Variants in ADD3 observed in about 807,000 individuals in gnomAD.
ADD3 encodes the protein adducin 3.
A neutral mutation model predicts 80.2 loss-of-function variants in ADD3; 25 were observed. The observed-to-expected ratio is 0.31, with a 90% CI of 0.23 to 0.44. The LOEUF (loss-of-function observed/expected upper bound fraction) is 0.44, where lower values mean the gene tolerates loss of function less well. Ranked by LOEUF, ADD3 falls within the 20% of genes least tolerant of loss-of-function variation. ADD3 has a pLI of 1.00. For synonymous variants in ADD3, 284 were observed against 289.6 expected, an observed-to-expected ratio of 0.98 and a Z score of 0.20; for missense variants, 829 against 847.5, an observed-to-expected ratio of 0.98 and a Z score of 0.27.
chr10:110,005,085 T>C (rs1851575998), upstream of ADD3, among the ~76,000 whole-genome samples: 1 of 152,124 alleles, frequency 6.6e-6, no homozygotes, highest in South Asian at 2.1e-4. Context: ...TTTTTTGAGA[T>C]GGAGTCTTGC....
rs1297076832 is a variant in ADD3, at chr10:110,116,389, C to T, written c.465C>T (p.His155=). 1 of 1,614,072 alleles carries T rather than the reference C, an allele frequency of 6.2e-7. No individual in the cohort carries two copies. The highest frequency in any genetic ancestry group is 8.5e-7 in the Non-Finnish European group (1 of 1,179,978). ...YRLVDLFGWA[H]LANTYISVRI... is the part of the protein sequence containing the mutation. ...TTGTAGACTTGTTTGGATGGGCACA[C>T]CTGGCAAATACCTATATCTCAGTGA... Residue 155 remains histidine, a synonymous_variant, in exon 4 of 15, where the codon CAC becomes CAT. Transcript: ENST00000356080.
rs904198679 is a variant in ADD3 at position 110,134,891 on chromosome 10, T to C, written c.*1273T>C. ...CCACCAGTAAGAAAACTACCACTTCTTGATTTTTACAGATTTAAAAAAATC... is the reference window on the plus strand; with the variant it reads ...CCACCAGTAAGAAAACTACCACTTCCTGATTTTTACAGATTTAAAAAAATC... On this transcript the variant is annotated 3_prime_UTR_variant, in exon 15 of 15. Coordinates refer to ENST00000356080, the MANE Select transcript of ADD3 (RefSeq NM_016824.5). The C allele has an allele frequency of 3.3e-5, 5 of 152,652 alleles. No individual in the cohort carries two copies. The highest frequency in any genetic ancestry group is 2.6e-4 in the Admixed American group (4 of 15,280). 9.5% of individuals were successfully genotyped at this position (152,652 alleles called of 1,614,324 possible).
At chr10:110,063,740 TATATATA>T (rs1564913803) in intron 1 of ADD3, among the ~76,000 whole-genome samples, 278 of 21,960 alleles carry the variant, frequency 0.013, 6 homozygotes, top group African/African-American at 0.042. Flanking sequence ...ATATTCATTA[TATATATA>T]TATATATATA....
intron 1 of ADD3, among the ~76,000 whole-genome samples, chr10:110,085,895 C>T (rs1221558518): frequency 6.6e-6 from 1 of 151,378 alleles, no homozygotes; most frequent in Non-Finnish European, 1.5e-5. Flanking sequence ...CACCTGAGGT[C>T]GGGAGTTCGA....
At chr10:110,100,878 C>T in intron 2 of ADD3, 30 bp downstream of exon 2, 1 of 1,531,890 alleles carries the variant, frequency 6.5e-7, no homozygotes, top group Non-Finnish European at 8.8e-7. Context: ...TGTAATTTTT[C>T]TCCCTCTTTG....
At chr10:110,109,495 G>A (rs141493747) in intron 2 of ADD3, among the ~76,000 whole-genome samples, 5 of 152,238 alleles carry the variant, frequency 3.3e-5, no homozygotes, top group African/African-American at 9.6e-5. Flanking sequence ...GGAAGAACAT[G>A]GGTGCAAGAC....
intron 1 of ADD3, among the ~76,000 whole-genome samples, chr10:110,035,753 G>A (rs1045978469): frequency 6.7e-6 from 1 of 149,958 alleles, no homozygotes; most frequent in African/African-American, 2.5e-5. Flanking sequence ...ATTCTCACAC[G>A]TTACCAGGTG....
intron 1 of ADD3, among the ~76,000 whole-genome samples, chr10:110,068,708 T>C (rs1000084610): frequency 1.3e-5 from 2 of 152,184 alleles, no homozygotes; most frequent in African/African-American, 2.4e-5. Flanking sequence ...TGTCAAAGTT[T>C]AGATGTTGTA....
At chr10:110,036,312 G>A (rs1029897728) in intron 1 of ADD3, among the ~76,000 whole-genome samples, 3 of 148,710 alleles carry the variant, frequency 2.0e-5, no homozygotes, top group Admixed American at 6.7e-5. Context: ...TTTTGGAATT[G>A]TTCATACCTT....
intron 12 of ADD3, 128 bp downstream of exon 12, chr10:110,126,631 T>C: frequency 1.5e-6 from 1 of 681,630 alleles, no homozygotes; most frequent in Non-Finnish European, 2.4e-6. Flanking sequence ...CTCACAAGAT[T>C]TAAAATGTCA....
chr10:110,105,822 T>G (rs1230210108), intron 2 of ADD3, among the ~76,000 whole-genome samples: 1 of 152,216 alleles, frequency 6.6e-6, no homozygotes, highest in Non-Finnish European at 1.5e-5. Flanking sequence ...ATCACCATGA[T>G]CTGTGGTCAG....
chr10:110,007,616 G>A (rs1285674761), upstream of ADD3, among the ~76,000 whole-genome samples: 1 of 152,188 alleles, frequency 6.6e-6, no homozygotes, highest in Non-Finnish European at 1.5e-5. Context: ...ACAGTCAGAA[G>A]AGGACGTTGA....
intron 1 of ADD3, among the ~76,000 whole-genome samples, chr10:110,097,691 C>T (rs1848329061): frequency 6.6e-6 from 1 of 152,040 alleles, no homozygotes; most frequent in African/African-American, 2.4e-5. Flanking sequence ...TCCAAGATTA[C>T]ATGTTGCATT....
intron 9 of ADD3, 110 bp from the exon 10 acceptor site, chr10:110,123,907 T>G: frequency 8.5e-7 from 1 of 1,178,344 alleles, no homozygotes. Context: ...TTTTTCTTTG[T>G]TTTTTAGCAA....
At chr10:110,088,713 A>G (rs1163893178) in intron 1 of ADD3, among the ~76,000 whole-genome samples, 1 of 152,222 alleles carries the variant, frequency 6.6e-6, no homozygotes, top group African/African-American at 2.4e-5. Context: ...TAGTAGATCA[A>G]AATGAACTCT....
At chr10:110,041,938 A>G (rs925403899) in intron 1 of ADD3, among the ~76,000 whole-genome samples, 3 of 152,240 alleles carry the variant, frequency 2.0e-5, no homozygotes, top group Non-Finnish European at 4.4e-5. Flanking sequence ...AAATATGTGG[A>G]TAATTTTTTT....
chr10:110,121,344 G>A (rs948608954), intron 8 of ADD3, among the ~76,000 whole-genome samples: 9 of 152,060 alleles, frequency 5.9e-5, no homozygotes, highest in South Asian at 4.1e-4. Context: ...TTAACAGGGC[G>A]TGGTGTCATG....
chr10:110,010,961 G>A lies in ADD3; in HGVS notation c.-30+2662G>A, dbSNP rs192667459. Among the ~76,000 whole-genome samples, 6 of 152,254 alleles carry A rather than the reference G, an allele frequency of 3.9e-5. No homozygotes were observed. In the East Asian group the frequency reaches 7.7e-4, roughly 20 times the overall value. The stretch of plus-strand genomic sequence containing the variant: ...AAATCTAAGGAGTGGTGGTTAATCC[G>A]CATTAAATACAGTCACCTTTTGACA... On this transcript the variant is annotated intron_variant, in intron 1 of 14. Coordinates refer to ENST00000356080, the MANE Select transcript of ADD3 (RefSeq NM_016824.5).
chr10:110,062,992 G>C lies in ADD3; in HGVS notation c.-29-37633G>C, dbSNP rs572708502. Among the ~76,000 whole-genome samples, 17 of 152,286 alleles carry C rather than the reference G, an allele frequency of 1.1e-4. No individual in the cohort carries two copies. In the South Asian group the frequency reaches 3.5e-3, roughly 32 times the overall value. ...ATTATCTCTCCCCAGCAGAAAGATT[G>C]TGATTAAGGGAAAAAATAATTCTTA... On this transcript the variant is annotated intron_variant, in intron 1 of 14. Coordinates refer to ENST00000356080, the MANE Select transcript of ADD3 (RefSeq NM_016824.5).
Sources: allele counts gnomAD v4.1 joint callset (sites outside exome capture counted in the v4.1 genomes callset), GRCh38; gene constraint gnomAD v4.1.1; transcripts MANE v1.5; gene names NCBI Gene and HGNC (gene_info 2026-07-23, HGNC 2026-07-21).